The following RABGAP1L variants were observed in gnomAD, a reference collection of about 807,000 sequenced individuals.
The protein encoded by RABGAP1L is rab GTPase-activating protein 1-like.
In RABGAP1L, 63 loss-of-function variants were observed where a neutral mutation model predicts 137.7. The observed-to-expected ratio is 0.46, with a 90% confidence interval of 0.37 to 0.56. The LOEUF is 0.56. RABGAP1L is among the 20% of genes least tolerant of loss of function. RABGAP1L has a pLI of 0.00. For missense variants in RABGAP1L, 1,095 were observed against 1,244.0 expected (o/e 0.88, Z 1.80); for synonymous variants, 431 against 433.7 (o/e 0.99, Z 0.08).
At chr1:174,986,336 A>T (rs1209791524) in intron 24 of RABGAP1L, among the ~76,000 whole-genome samples, 1 of 152,214 alleles carries the variant, frequency 6.6e-6, no homozygotes, top group Non-Finnish European at 1.5e-5. Flanking sequence ...CAGGATATAA[A>T]GGCCTCATTC....
chr1:174,561,736 C>G (rs1456528899), intron 13 of RABGAP1L, among the ~76,000 whole-genome samples: 1 of 152,092 alleles, frequency 6.6e-6, no homozygotes, highest in East Asian at 1.9e-4. Flanking sequence ...TTTGACAAAC[C>G]TGACAAAAGC....
chr1:174,710,671 A>G (rs1174185703), intron 17 of RABGAP1L, among the ~76,000 whole-genome samples: 1 of 152,234 alleles, frequency 6.6e-6, no homozygotes, highest in African/African-American at 2.4e-5. Flanking sequence ...GAGCTCTTGA[A>G]GGAAGCACTA....
intron 19 of RABGAP1L, among the ~76,000 whole-genome samples, chr1:174,901,982 C>A (rs1181129168): frequency 6.6e-6 from 1 of 152,132 alleles, no homozygotes; most frequent in Non-Finnish European, 1.5e-5. Flanking sequence ...CCCCAGTTGC[C>A]TCAGTTTTTC....
chr1:174,793,446 T>C (rs1199923101), intron 18 of RABGAP1L, among the ~76,000 whole-genome samples: 2 of 152,236 alleles, frequency 1.3e-5, no homozygotes, highest in Non-Finnish European at 2.9e-5. Context: ...GCTATAAACA[T>C]GTGACCTCAA....
intron 13 of RABGAP1L, among the ~76,000 whole-genome samples, chr1:174,634,830 C>T (rs1020399554): frequency 7.1e-6 from 1 of 141,594 alleles, no homozygotes; most frequent in Non-Finnish European, 1.5e-5. Context: ...GGGAATTGAA[C>T]AATGAGATCA....
intron 2 of RABGAP1L, among the ~76,000 whole-genome samples, chr1:174,220,323 A>T (rs1424078560): frequency 6.6e-6 from 1 of 152,182 alleles, no homozygotes; most frequent in Non-Finnish European, 1.5e-5. Context: ...TCCTTTAGAC[A>T]TGTAAATTTA....
At chr1:174,717,922 A>C (rs538476605) in intron 17 of RABGAP1L, among the ~76,000 whole-genome samples, 1 of 152,262 alleles carries the variant, frequency 6.6e-6, no homozygotes, top group East Asian at 1.9e-4. Flanking sequence ...TTTTCTCCAA[A>C]CTTCAAACTG....
chr1:174,241,742 T>C, intron 5 of RABGAP1L, 85 bp downstream of exon 5: 6 of 1,132,844 alleles, frequency 5.3e-6, no homozygotes, highest in Admixed American at 2.8e-5. Context: ...TGTATAAATA[T>C]GTTACATAAA....
At chr1:174,268,093 A>G (rs1252766018) in intron 7 of RABGAP1L, among the ~76,000 whole-genome samples, 4 of 152,144 alleles carry the variant, frequency 2.6e-5, no homozygotes, top group Non-Finnish European at 4.4e-5. Flanking sequence ...CTTTTATGAA[A>G]TTATTTAGTT....
intron 13 of RABGAP1L, among the ~76,000 whole-genome samples, chr1:174,399,197 A>AT (rs1188319933): frequency 6.6e-6 from 1 of 152,092 alleles, no homozygotes; most frequent in African/African-American, 2.4e-5. Context: ...GAATAATGTC[A>AT]TTTTTTCTAA....
At chr1:174,672,756 G>A (rs1056319308) in intron 14 of RABGAP1L, among the ~76,000 whole-genome samples, 6 of 152,018 alleles carry the variant, frequency 3.9e-5, no homozygotes, top group East Asian at 1.9e-4. Context: ...CCATGTACAT[G>A]TGAATTTTTA....
At chr1:174,634,447 T>C (rs1463392695) in intron 13 of RABGAP1L, among the ~76,000 whole-genome samples, 13 of 128,376 alleles carry the variant, frequency 1.0e-4, no homozygotes, top group Admixed American at 3.9e-4. Context: ...GACTGTAAAC[T>C]AGTTCAACCA....
At chr1:174,579,059 A>G (rs1243052468) in intron 13 of RABGAP1L, among the ~76,000 whole-genome samples, 2 of 152,176 alleles carry the variant, frequency 1.3e-5, no homozygotes, top group Non-Finnish European at 2.9e-5. Flanking sequence ...GCTTTCCCAA[A>G]TATATTTGCT....
At chr1:174,636,912 A>G (rs890314512) in intron 13 of RABGAP1L, among the ~76,000 whole-genome samples, 1 of 152,222 alleles carries the variant, frequency 6.6e-6, no homozygotes, top group African/African-American at 2.4e-5. Context: ...ATAGAAAAAA[A>G]TGCAAAGAAG....
chr1:174,987,616 G>A (rs1463952177), intron 24 of RABGAP1L, among the ~76,000 whole-genome samples: 2 of 152,210 alleles, frequency 1.3e-5, no homozygotes, highest in Non-Finnish European at 2.9e-5. Context: ...GAAGAGAGGA[G>A]GATGGGCACG....
chr1:174,931,990 G>GTTTTTT (rs532860564), intron 19 of RABGAP1L, among the ~76,000 whole-genome samples: 17 of 69,636 alleles, frequency 2.4e-4, no homozygotes, highest in Non-Finnish European at 3.2e-4. Context: ...TGCTTTTTTG[G>GTTTTTT]TTTTTTTTTT....
chr1:174,776,064 G>C (rs1161979751), intron 18 of RABGAP1L, among the ~76,000 whole-genome samples: 1 of 151,980 alleles, frequency 6.6e-6, no homozygotes, highest in Non-Finnish European at 1.5e-5. Flanking sequence ...GTCCTCCATG[G>C]CCATATCTAA....
intron 1 of RABGAP1L, among the ~76,000 whole-genome samples, chr1:174,183,335 AG>A (rs1246532262): frequency 2.0e-5 from 3 of 152,178 alleles, no homozygotes; most frequent in Non-Finnish European, 4.4e-5. Context: ...TTTGTTGCCT[AG>A]GTTGGTCTCG....
intron 13 of RABGAP1L, among the ~76,000 whole-genome samples, chr1:174,534,064 G>A (rs1664670418): frequency 6.6e-6 from 1 of 151,484 alleles, no homozygotes; most frequent in African/African-American, 2.4e-5. Flanking sequence ...GGAGTCAAAA[G>A]TTATACATGG....
Sources: allele counts gnomAD v4.1 joint callset (sites outside exome capture counted in the v4.1 genomes callset), GRCh38; gene constraint gnomAD v4.1.1; transcripts MANE v1.5; gene names NCBI Gene and HGNC (gene_info 2026-07-23, HGNC 2026-07-21).